The following IMMT variants were observed in gnomAD, a reference collection of about 807,000 sequenced individuals.
The protein encoded by IMMT is MICOS complex subunit MIC60.
A neutral mutation model predicts 92.7 loss-of-function variants in IMMT; 40 were observed. The ratio of observed to expected loss-of-function variants is 0.43; its 90% CI spans 0.34 to 0.56. The LOEUF is 0.56. Ranked by LOEUF, IMMT falls within the 20% of genes least tolerant of loss-of-function variation. The probability of loss-of-function intolerance (pLI) is 0.03; values close to 1 mark genes in which losing one functional copy is unlikely to be tolerated. For missense variants in IMMT, 831 were observed against 912.1 expected, an observed-to-expected ratio of 0.91 and a Z score of 1.14; for synonymous variants, 322 against 336.1, an observed-to-expected ratio of 0.96 and a Z score of 0.46.
intron 14 of IMMT, among the ~76,000 whole-genome samples, chr2:86,145,337 A>C (rs1674913341): frequency 6.6e-6 from 1 of 152,028 alleles, no homozygotes. Context: ...TCTACTAAAA[A>C]TACAAAACCT....
intron 3 of IMMT, among the ~76,000 whole-genome samples, chr2:86,178,533 G>A (rs1383232647): frequency 2.6e-5 from 4 of 151,932 alleles, no homozygotes; most frequent in Non-Finnish European, 5.9e-5. Flanking sequence ...GGCTGAGGCA[G>A]GAGAATCGCT....
In IMMT at chr2:86,162,112, A is replaced by G. The variant is rs1676325280; in HGVS notation, c.793-33T>C. 2.3e-6 allele frequency: 3 copies of G among 1,321,440 alleles called. No homozygotes were observed. The African/African-American group carries it at 4.5e-5, about 20-fold the overall frequency. The allele number at this position is 1,321,440 out of a possible 1,614,324, so 81.9% of individuals were successfully genotyped here. On this transcript the variant is annotated intron_variant, in intron 7 of 14. Transcript: ENST00000410111. Reference sequence around the variant, plus strand: ...AAAAATTTTAATTATATAATAAATAACTGCTATTATTGTCATATGATAGGC... The same window carrying G: ...AAAAATTTTAATTATATAATAAATAGCTGCTATTATTGTCATATGATAGGC...
chr2:86,156,303 G>A (rs1005046593), intron 10 of IMMT, among the ~76,000 whole-genome samples: 3 of 152,012 alleles, frequency 2.0e-5, no homozygotes, highest in Non-Finnish European at 4.4e-5. Context: ...CATGTTTTAC[G>A]ATAGGCAGCC....
At chr2:86,185,501 C>G (rs1271123548) in intron 1 of IMMT, among the ~76,000 whole-genome samples, 3 of 151,808 alleles carry the variant, frequency 2.0e-5, no homozygotes, top group Non-Finnish European at 4.4e-5. Context: ...AGGAAAAGGC[C>G]CTCTAAGAAT....
chr2:86,153,438 A>G, intron 11 of IMMT, 122 bp downstream of exon 11: 2 of 540,328 alleles, frequency 3.7e-6, no homozygotes, highest in South Asian at 6.2e-5. Context: ...ATCATGTGAC[A>G]TAATTCTACT....
In IMMT at chr2:86,158,599, T is replaced by G; in HGVS notation, c.1155A>C (p.Lys385Asn). Reference sequence around the variant, plus strand: ...TACTTCAGTTGTACTCACTCATTCCTTTCCACCCAGGAAGGACTTCTGGAG... The same window carrying G: ...TACTTCAGTTGTACTCACTCATTCCGTTCCACCCAGGAAGGACTTCTGGAG... ...SITPEVLPGW[K>N]GMSVSDLADK... is the part of the protein sequence containing the mutation. Residue 385 changes from lysine to asparagine, a missense_variant, in exon 10 of 15, where the codon AAA becomes AAC. Coordinates refer to ENST00000410111, the MANE Select transcript of IMMT (RefSeq NM_006839.3). 1 of 1,603,418 alleles carries G rather than the reference T, an allele frequency of 6.2e-7. No individual in the cohort carries two copies. The highest frequency in any genetic ancestry group is 8.5e-7 in the Non-Finnish European group (1 of 1,174,020).
chr2:86,151,772 G>T (rs1043847470), intron 11 of IMMT, among the ~76,000 whole-genome samples: 2 of 152,084 alleles, frequency 1.3e-5, no homozygotes, highest in Non-Finnish European at 2.9e-5. Context: ...CTTTTAATCT[G>T]AACTAATTAT....
chr2:86,165,221 C>T (rs1676586570), intron 7 of IMMT, among the ~76,000 whole-genome samples: 1 of 152,182 alleles, frequency 6.6e-6, no homozygotes, highest in Admixed American at 6.5e-5. Context: ...GCATTTAAAG[C>T]TTCCAATCCG....
At chr2:86,188,664 G>A (rs1029078950) in intron 1 of IMMT, among the ~76,000 whole-genome samples, 13 of 152,172 alleles carry the variant, frequency 8.5e-5, no homozygotes, top group African/African-American at 2.9e-4. Flanking sequence ...GCGCTCAAGC[G>A]TTCTGCCTGC....
rs142329138 is a variant in IMMT at position 86,148,006 on chromosome 2, G to A, written c.1402-173C>T. 3.9e-5 allele frequency among the ~76,000 whole-genome samples: 6 copies of A among 152,276 alleles called. No homozygotes were observed. The East Asian group carries it at 9.6e-4, about 24-fold the overall frequency. ...CATGTGAAACGGAAAACTAAACCCT[G>A]GAAGGTGATTCAAACAAGATCACAC... On this transcript the variant is annotated intron_variant, in intron 12 of 14. Transcript: ENST00000410111.
intron 1 of IMMT, among the ~76,000 whole-genome samples, chr2:86,193,417 AAAAG>A (rs1439106865): frequency 6.6e-6 from 1 of 151,616 alleles, no homozygotes; most frequent in Non-Finnish European, 1.5e-5. Flanking sequence ...CAAAAAAAAA[AAAAG>A]AAAGATGGGG....
At chr2:86,176,989 A>T (rs1471634917) in intron 3 of IMMT, among the ~76,000 whole-genome samples, 1 of 152,232 alleles carries the variant, frequency 6.6e-6, no homozygotes, top group Admixed American at 6.5e-5. Flanking sequence ...TAAAGTCCAT[A>T]GGGAAGAATA....
chr2:86,171,862 A>ATATAT (rs111461385), intron 4 of IMMT, among the ~76,000 whole-genome samples: 18 of 149,942 alleles, frequency 1.2e-4, no homozygotes, highest in African/African-American at 4.4e-4. Flanking sequence ...ATATATATAT[A>ATATAT]TTTTTTGCAC....
chr2:86,170,621 TA>T (rs1194917051), intron 6 of IMMT, 127 bp downstream of exon 6: 12 of 635,652 alleles, frequency 1.9e-5, no homozygotes, highest in Non-Finnish European at 3.3e-5. Flanking sequence ...GCAATGCCAC[TA>T]AAAAACAACC....
intron 10 of IMMT, among the ~76,000 whole-genome samples, chr2:86,155,505 T>C (rs904600589): frequency 3.3e-5 from 5 of 152,250 alleles, no homozygotes; most frequent in African/African-American, 1.2e-4. Flanking sequence ...AAGGCTGTTA[T>C]GAATTTCAAA....
intron 6 of IMMT, among the ~76,000 whole-genome samples, chr2:86,168,358 C>CA (rs1368139134): frequency 6.6e-6 from 1 of 152,212 alleles, no homozygotes; most frequent in African/African-American, 2.4e-5. Flanking sequence ...CGCAGTGGCT[C>CA]ACGCCTGTAA....
At chr2:86,171,668 A>G in intron 4 of IMMT, 1 of 205,302 alleles carries the variant, frequency 4.9e-6, no homozygotes, top group Non-Finnish European at 1.0e-5. Flanking sequence ...ACATGGAAAA[A>G]GAGTAACAAA....
chr2:86,192,557 G>A (rs767916951), intron 1 of IMMT, among the ~76,000 whole-genome samples: 3 of 152,170 alleles, frequency 2.0e-5, no homozygotes, highest in Non-Finnish European at 2.9e-5. Context: ...GTTAATACTG[G>A]AAATACAGCA....
chr2:86,184,482 T>C (rs1001224363), intron 1 of IMMT, among the ~76,000 whole-genome samples: 37 of 152,102 alleles, frequency 2.4e-4, no homozygotes, highest in African/African-American at 8.4e-4. Flanking sequence ...ATTAATACGT[T>C]TGTTATTGTT....
Sources: gnomAD v4.1 joint callset for allele counts (sites outside exome capture counted in the v4.1 genomes callset) on GRCh38, gnomAD v4.1.1 for gene constraint, MANE v1.5 for transcripts, NCBI Gene and HGNC (gene_info 2026-07-23, HGNC 2026-07-21) for gene names.